Variants in VCL observed in about 807,000 individuals in gnomAD.
The protein encoded by VCL is epididymis luminal protein 114.
In VCL, 47 loss-of-function variants were observed where a neutral mutation model predicts 125.7. That is an observed-to-expected ratio of 0.37 (90% CI 0.30 to 0.48). The LOEUF is 0.48. Among genes scored for constraint, VCL ranks in the 20% least tolerant of loss-of-function variants. The pLI is 0.99. For missense variants in VCL, 1,069 were observed against 1,455.5 expected (o/e 0.73, Z 4.32); for synonymous variants, 458 against 514.6 (o/e 0.89, Z 1.49).
At position 74,035,368 on chromosome 10, in the gene VCL, C is replaced by G. The variant is rs184071047; in HGVS notation, c.169-7715C>G. ...CAACAGCAGAAGACAAAAGGCCTCTCACATAGAATTTTGAACTAAAGTCAC... is the reference window on the plus strand; with the variant it reads ...CAACAGCAGAAGACAAAAGGCCTCTGACATAGAATTTTGAACTAAAGTCAC... On this transcript the variant is annotated intron_variant, in intron 1 of 21. Transcript: ENST00000211998. Among the ~76,000 whole-genome samples, 4 of 151,848 alleles carry G rather than the reference C, an allele frequency of 2.6e-5. No homozygotes were observed. The East Asian group carries it at 7.7e-4, about 29-fold the overall frequency.
chr10:74,044,241 C>T (rs1390270801), intron 2 of VCL, among the ~76,000 whole-genome samples: 1 of 152,006 alleles, frequency 6.6e-6, no homozygotes, highest in African/African-American at 2.4e-5. Flanking sequence ...AGCAGACATA[C>T]TAATTTTTGA....
intron 1 of VCL, among the ~76,000 whole-genome samples, chr10:74,030,057 G>A (rs1434912313): frequency 2.0e-5 from 3 of 152,206 alleles, no homozygotes; most frequent in Non-Finnish European, 4.4e-5. Context: ...ATATTGAGAT[G>A]TTTGCCTAAT....
At chr10:74,041,608 T>C (rs1841094279) in intron 1 of VCL, among the ~76,000 whole-genome samples, 1 of 152,084 alleles carries the variant, frequency 6.6e-6, no homozygotes, top group African/African-American at 2.4e-5. Context: ...ACTAAATAAC[T>C]TAGGCTGGGA....
Position 74,101,016 on chromosome 10 carries a change from G to T in VCL, c.1941G>T (p.Ala647=). 6.2e-7 allele frequency: 1 copy of T among 1,613,970 alleles called. No individual in the cohort carries two copies. Among genetic ancestry groups the T allele is most frequent in the Non-Finnish European group, 8.5e-7 (1 of 1,179,928 alleles). ...SGKLGATAEK[A]AAVGTANKST... ...AGCTTGGTGCTACGGCCGAGAAGGC[G>T]GCTGCGGTTGGTACTGCTAATAAAT... Residue 647 remains alanine (A), a synonymous_variant, in exon 14 of 22, where the codon GCG becomes GCT. Transcript: ENST00000211998.
chr10:73,999,559 T>C (rs1049286934), intron 1 of VCL, among the ~76,000 whole-genome samples: 1 of 152,036 alleles, frequency 6.6e-6, no homozygotes, highest in African/African-American at 2.4e-5. Flanking sequence ...GTGTAAATAG[T>C]GTGTGTCAGG....
chr10:74,114,006 C>CT (rs34860432), intron 19 of VCL, among the ~76,000 whole-genome samples, 178 bp from the exon 20 acceptor site: 4 of 151,562 alleles, frequency 2.6e-5, no homozygotes, highest in East Asian at 1.9e-4. Context: ...CTGTCTCATT[C>CT]TTTTTTTTTC....
At chr10:74,089,957 T>C in intron 9 of VCL, 66 bp from the exon 10 acceptor site, 1 of 1,587,022 alleles carries the variant, frequency 6.3e-7, no homozygotes. Context: ...TCTGGCCTTG[T>C]TAAGTTTAGT....
intron 2 of VCL, among the ~76,000 whole-genome samples, chr10:74,047,158 A>T (rs1841208205): frequency 6.6e-6 from 1 of 152,186 alleles, no homozygotes; most frequent in African/African-American, 2.4e-5. Flanking sequence ...ATCGCTGGGC[A>T]TGGTGGCTCA....
At chr10:74,107,204 T>A (rs1263969022) in intron 16 of VCL, 26 bp from the exon 17 acceptor site, 1 of 1,613,938 alleles carries the variant, frequency 6.2e-7, no homozygotes, top group Non-Finnish European at 8.5e-7. Context: ...CCCACCCAGC[T>A]GAAAGTGAGG....
At chr10:74,030,331 A>C (rs573908153) in intron 1 of VCL, among the ~76,000 whole-genome samples, 1 of 152,282 alleles carries the variant, frequency 6.6e-6, no homozygotes, top group African/African-American at 2.4e-5. Context: ...TTAATGTGAA[A>C]TTTCTCATGT....
At chr10:74,013,799 C>A (rs1452099244) in intron 1 of VCL, among the ~76,000 whole-genome samples, 1 of 152,100 alleles carries the variant, frequency 6.6e-6, no homozygotes, top group Non-Finnish European at 1.5e-5. Flanking sequence ...ATTCCTGACA[C>A]AGAGCTAAGA....
At chr10:74,028,453 A>G (rs1591659746) in intron 1 of VCL, among the ~76,000 whole-genome samples, 2 of 149,394 alleles carry the variant, frequency 1.3e-5, no homozygotes, top group Middle Eastern at 3.4e-3. Context: ...TTGGAGTGCA[A>G]TGGCGTGATC....
chr10:74,049,419 T>C (rs1477939042), intron 2 of VCL, among the ~76,000 whole-genome samples: 4 of 152,072 alleles, frequency 2.6e-5, no homozygotes, highest in Non-Finnish European at 4.4e-5. Flanking sequence ...AAAAAAGAAA[T>C]ATTTTAAGAC....
At chr10:74,082,595 C>G (rs1260683395) in intron 7 of VCL, 51 bp downstream of exon 7, 2 of 1,586,300 alleles carry the variant, frequency 1.3e-6, no homozygotes, top group African/African-American at 2.7e-5. Context: ...AGCTAAAAAC[C>G]AAGCAAATGA....
At chr10:74,103,986 T>C (rs1377238664) in intron 15 of VCL, 58 bp downstream of exon 15, 6 of 1,551,834 alleles carry the variant, frequency 3.9e-6, no homozygotes, top group South Asian at 1.1e-5. Flanking sequence ...TTCTGAGAAA[T>C]TGGAGCGGGA....
chr10:74,082,655 A>G, intron 7 of VCL, 111 bp downstream of exon 7: 1 of 1,081,166 alleles, frequency 9.2e-7, no homozygotes, highest in Non-Finnish European at 1.4e-6. Flanking sequence ...CTACTGTAAC[A>G]TTATGGGGCA....
Position 74,100,930 on chromosome 10 carries a change from A to T in VCL, c.1873-18A>T. ...TTTTATTGAAATAAATGTTCTTAAT[A>T]TCTGTTTTTTCCTCAAGGTATTTGA... On this transcript the variant is annotated intron_variant, in intron 13 of 21. Transcript: ENST00000211998. The T allele has an allele frequency of 6.2e-7, 1 of 1,613,718 alleles. No individual in the cohort carries two copies. Among genetic ancestry groups the T allele is most frequent in the Non-Finnish European group, 8.5e-7 (1 of 1,179,920 alleles).
At chr10:74,092,802 C>T (rs1204281057) in intron 10 of VCL, among the ~76,000 whole-genome samples, 1 of 152,086 alleles carries the variant, frequency 6.6e-6, no homozygotes. Flanking sequence ...TAATTGGAAT[C>T]GCTTTTGATG....
chr10:74,095,942 C>T, intron 12 of VCL, 87 bp downstream of exon 12: 1 of 1,479,716 alleles, frequency 6.8e-7, no homozygotes, highest in Non-Finnish European at 9.2e-7. Context: ...TTGAAAAATA[C>T]ATAATTTCTG....
Sources: gnomAD v4.1 joint callset for allele counts (sites outside exome capture counted in the v4.1 genomes callset) on GRCh38, gnomAD v4.1.1 for gene constraint, MANE v1.5 for transcripts, NCBI Gene and HGNC (gene_info 2026-07-23, HGNC 2026-07-21) for gene names.